FGF12: variants seen among roughly 807,000 people sequenced by gnomAD.
FGF12 encodes the protein fibroblast growth factor 12, also known as fibroblast growth factor 12B.
A neutral mutation model predicts 23.6 loss-of-function variants in FGF12; 14 were observed. The ratio of observed to expected loss-of-function variants is 0.59; its 90% confidence interval spans 0.39 to 0.93. FGF12 has a LOEUF of 0.93. Among genes scored for constraint, FGF12 ranks in the 40% least tolerant of loss-of-function variants. The probability of loss-of-function intolerance (pLI) is 0.00; values close to 1 mark genes in which losing one functional copy is unlikely to be tolerated. For missense variants in FGF12, 175 were observed against 217.8 expected, an observed-to-expected ratio of 0.80 and a Z score of 1.24; for synonymous variants, 62 against 77.3, an observed-to-expected ratio of 0.80 and a Z score of 1.04.
chr3:192,368,445 C>T lies in FGF12; in HGVS notation c.14-7907G>A, dbSNP rs374366556. Among the ~76,000 whole-genome samples the T allele has an allele frequency of 4.5e-4, 69 of 151,930 alleles. No individual in the cohort carries two copies. In the East Asian group the frequency reaches 7.4e-3, roughly 16 times the overall value. ...GATGGATGTGCTATTGTGGACAGAA[C>T]GAATAGAAGATAACATCACAGAAGC... On this transcript the variant is annotated intron_variant, in intron 2 of 5. Coordinates refer to ENST00000445105, the MANE Select transcript of FGF12 (RefSeq NM_004113.6).
intron 2 of FGF12, among the ~76,000 whole-genome samples, chr3:192,698,887 C>A (rs1316961425): frequency 6.6e-6 from 1 of 152,170 alleles, no homozygotes; most frequent in Non-Finnish European, 1.5e-5. Flanking sequence ...TGTCAATACA[C>A]CTCACCCTTT....
chr3:192,593,721 A>C (rs1713722844), intron 2 of FGF12, among the ~76,000 whole-genome samples: 1 of 151,924 alleles, frequency 6.6e-6, no homozygotes, highest in African/African-American at 2.4e-5. Flanking sequence ...TCTGCGGTGC[A>C]CTTTTAAAAG....
chr3:192,305,336 T>C (rs1715563327), intron 4 of FGF12, among the ~76,000 whole-genome samples: 1 of 152,028 alleles, frequency 6.6e-6, no homozygotes, highest in Non-Finnish European at 1.5e-5. Flanking sequence ...AAAAGCTAAA[T>C]GTAAAAAAAA....
intron 4 of FGF12, among the ~76,000 whole-genome samples, chr3:192,262,450 T>C (rs549634818): frequency 4.8e-4 from 73 of 152,312 alleles, no homozygotes; most frequent in African/African-American, 1.7e-3. Flanking sequence ...GGAATTATGG[T>C]ATATATAGTT....
intron 3 of FGF12, among the ~76,000 whole-genome samples, chr3:192,352,637 C>A (rs769942583): frequency 1.3e-5 from 2 of 152,134 alleles, no homozygotes; most frequent in Non-Finnish European, 2.9e-5. Context: ...GGTCTCTCAT[C>A]CCTGTTGATG....
intron 5 of FGF12, among the ~76,000 whole-genome samples, chr3:192,168,973 G>A (rs1715386127): frequency 6.6e-6 from 1 of 152,136 alleles, no homozygotes; most frequent in Admixed American, 6.6e-5. Flanking sequence ...AAGACTAATA[G>A]ACATTTTCCA....
At chr3:192,225,910 T>C (rs1718707921) in intron 4 of FGF12, among the ~76,000 whole-genome samples, 1 of 152,114 alleles carries the variant, frequency 6.6e-6, no homozygotes. Context: ...GACAAATCCA[T>C]ACAGACAGAT....
At chr3:192,254,222 T>A (rs1712224405) in intron 4 of FGF12, among the ~76,000 whole-genome samples, 1 of 151,842 alleles carries the variant, frequency 6.6e-6, no homozygotes, top group Non-Finnish European at 1.5e-5. Flanking sequence ...ACTCTCTGCG[T>A]CTATGAATTC....
chr3:192,528,834 C>T (rs1291410577), intron 2 of FGF12, among the ~76,000 whole-genome samples: 1 of 152,114 alleles, frequency 6.6e-6, no homozygotes, highest in Non-Finnish European at 1.5e-5. Context: ...GTACATTGGC[C>T]CCTTTCAGAC....
intron 2 of FGF12, among the ~76,000 whole-genome samples, chr3:192,615,112 C>A (rs1306578164): frequency 6.6e-6 from 1 of 151,924 alleles, no homozygotes; most frequent in Non-Finnish European, 1.5e-5. Flanking sequence ...CCTGGGACAG[C>A]CGCCATCTTT....
intron 2 of FGF12, among the ~76,000 whole-genome samples, chr3:192,537,390 A>G (rs1271811716): frequency 6.6e-6 from 1 of 151,962 alleles, no homozygotes; most frequent in South Asian, 2.1e-4. Context: ...GATTTTCCAT[A>G]GTGGTTGTAC....
chr3:192,675,656 G>GC (rs912396550), intron 2 of FGF12, among the ~76,000 whole-genome samples: 1 of 152,144 alleles, frequency 6.6e-6, no homozygotes, highest in Non-Finnish European at 1.5e-5. Context: ...GAGCTGAAGT[G>GC]CCTTGTCCAA....
Position 192,143,974 on chromosome 3 carries a change from A to G in FGF12, c.*35T>C, listed in dbSNP as rs1275525424. 8.1e-7 allele frequency: 1 copy of G among 1,239,070 alleles called. No individual in the cohort carries two copies. The highest frequency in any genetic ancestry group is 1.5e-5 in the African/African-American group (1 of 67,506). The allele number at this position is 1,239,070 out of a possible 1,614,324, so 76.8% of individuals were successfully genotyped here. On this transcript the variant is annotated 3_prime_UTR_variant, in exon 6 of 6. Coordinates refer to ENST00000445105, the MANE Select transcript of FGF12 (RefSeq NM_004113.6). ...GTAAATGGGAAGGAAGGGAAGGGGA[A>G]GGGATGAGAGAGGGAAGAAGGGGAG...
Position 192,397,897 on chromosome 3 carries a change from T to C in FGF12, c.14-37359A>G, listed in dbSNP as rs1298069705. On this transcript the variant is annotated intron_variant, in intron 2 of 5. Transcript: ENST00000445105. ...GACACTGTGAAGGTGATCTGGGTCATCTTTTGAGTTCCCAAATTAATATAC... is the reference window on the plus strand; with the variant it reads ...GACACTGTGAAGGTGATCTGGGTCACCTTTTGAGTTCCCAAATTAATATAC... Among the ~76,000 whole-genome samples, 29 of 152,142 alleles carry C rather than the reference T, an allele frequency of 1.9e-4. 1 individual carries two copies. Among genetic ancestry groups the C allele is most frequent in the Admixed American group, 1.6e-3 (25 of 15,274 alleles).
intron 4 of FGF12, among the ~76,000 whole-genome samples, chr3:192,226,279 T>C (rs1718730208): frequency 6.6e-6 from 1 of 152,196 alleles, no homozygotes; most frequent in Non-Finnish European, 1.5e-5. Context: ...ATGATTACCA[T>C]AATATGTCAC....
At chr3:192,719,561 A>G (rs923254474) in intron 2 of FGF12, among the ~76,000 whole-genome samples, 1 of 152,218 alleles carries the variant, frequency 6.6e-6, no homozygotes, top group African/African-American at 2.4e-5. Flanking sequence ...TCTCTTTTAA[A>G]TCCCAGAAGA....
chr3:192,246,946 A>AGAG (rs1553784951), intron 4 of FGF12, among the ~76,000 whole-genome samples: 1 of 137,798 alleles, frequency 7.3e-6, no homozygotes, highest in Non-Finnish European at 1.6e-5. Flanking sequence ...GAAAGAAAGA[A>AGAG]AAAGAAAAGG....
At chr3:192,489,381 C>T (rs1465420559) in intron 2 of FGF12, among the ~76,000 whole-genome samples, 1 of 151,878 alleles carries the variant, frequency 6.6e-6, no homozygotes, top group African/African-American at 2.4e-5. Context: ...TTCTTCACTC[C>T]AATGCCGTCA....
At chr3:192,239,075 T>C (rs1405326642) in intron 4 of FGF12, among the ~76,000 whole-genome samples, 2 of 152,186 alleles carry the variant, frequency 1.3e-5, no homozygotes, top group Non-Finnish European at 2.9e-5. Flanking sequence ...TTCCTAGTCT[T>C]CATACTTACG....
Sources: gnomAD v4.1 joint callset for allele counts (sites outside exome capture counted in the v4.1 genomes callset) on GRCh38, gnomAD v4.1.1 for gene constraint, MANE v1.5 for transcripts, NCBI Gene and HGNC (gene_info 2026-07-23, HGNC 2026-07-21) for gene names.